Variants in TENM2 observed in about 807,000 individuals in gnomAD.
The protein encoded by TENM2 is teneurin transmembrane protein 2, also known as teneurin-2.
TENM2 carries 52 observed loss-of-function variants against 245.2 expected under a neutral mutation model. That is an observed-to-expected ratio of 0.21 (90% CI 0.17 to 0.27). The LOEUF is 0.27. Ranked by LOEUF, TENM2 falls within the 10% of genes least tolerant of loss-of-function variation. The pLI is 1.00. For missense variants in TENM2, 3,046 were observed against 3,666.8 expected (o/e 0.83, Z 4.37); for synonymous variants, 1,363 against 1,438.9 (o/e 0.95, Z 1.19).
chr5:167,578,499 A>C (rs891339018), intron 2 of TENM2, among the ~76,000 whole-genome samples: 1 of 152,118 alleles, frequency 6.6e-6, no homozygotes, highest in African/African-American at 2.4e-5. Flanking sequence ...GTGTATATGC[A>C]TTTGTTTTCA....
At chr5:167,310,253 G>T (rs570765086) in intron 1 of TENM2, among the ~76,000 whole-genome samples, 1 of 152,270 alleles carries the variant, frequency 6.6e-6, no homozygotes, top group South Asian at 2.1e-4. Context: ...CAAGTTACAT[G>T]AATATAAGCA....
At chr5:167,993,036 C>A in exon 5 of TENM2, 3 of 1,613,998 alleles carry the variant, frequency 1.9e-6, no homozygotes, top group Non-Finnish European at 1.7e-6. Context: ...GTTTACACGC[C>A]CCCGCCCCGC....
intron 4 of TENM2, among the ~76,000 whole-genome samples, chr5:167,975,887 A>C (rs989291716): frequency 6.6e-6 from 1 of 151,224 alleles, no homozygotes; most frequent in African/African-American, 2.4e-5. Flanking sequence ...TGCTATACAC[A>C]GTTGATGTGA....
intron 2 of TENM2, among the ~76,000 whole-genome samples, chr5:167,836,293 C>T (rs1424206146): frequency 6.6e-6 from 1 of 152,138 alleles, no homozygotes; most frequent in Admixed American, 6.5e-5. Flanking sequence ...AATTGCCCTT[C>T]ATAATTGTCT....
chr5:167,533,909 A>G (rs1771685020), intron 2 of TENM2, among the ~76,000 whole-genome samples: 1 of 152,208 alleles, frequency 6.6e-6, no homozygotes, highest in South Asian at 2.1e-4. Context: ...GTTCTTAACT[A>G]GTGTTCAAAC....
intron 1 of TENM2, among the ~76,000 whole-genome samples, chr5:167,318,538 AATATC>A (rs2064869531): frequency 6.6e-6 from 1 of 152,138 alleles, no homozygotes; most frequent in Non-Finnish European, 1.5e-5. Context: ...TTCATCTATA[AATATC>A]ATATAATAGA....
rs557857582 is a variant in TENM2, at chr5:167,771,634, A to G, written c.503-104352A>G. Among the ~76,000 whole-genome samples the G allele has an allele frequency of 2.6e-5, 4 of 152,320 alleles. No homozygotes were observed. The South Asian group carries it at 8.3e-4, about 32-fold the overall frequency. Reference sequence around the variant, plus strand: ...GTTAACATCTCAATTCATAGGCAACAGTCTCATGACCAATCCTCTCTGAGC... The same window carrying G: ...GTTAACATCTCAATTCATAGGCAACGGTCTCATGACCAATCCTCTCTGAGC... On this transcript the variant is annotated intron_variant, in intron 2 of 28. Coordinates refer to ENST00000518659, the Ensembl canonical transcript of TENM2.
intron 6 of TENM2, among the ~76,000 whole-genome samples, chr5:168,061,858 C>T (rs1278413908): frequency 2.6e-5 from 4 of 152,182 alleles, no homozygotes; most frequent in South Asian, 2.1e-4. Context: ...GCCAAGATTT[C>T]GGATGCCCTG....
At chr5:168,009,697 G>A (rs1025383550) in intron 5 of TENM2, among the ~76,000 whole-genome samples, 6 of 152,210 alleles carry the variant, frequency 3.9e-5, no homozygotes, top group African/African-American at 1.4e-4. Flanking sequence ...AGCCACTTTA[G>A]TTCTTGCTAT....
chr5:167,947,642 A>G (rs1779739924), intron 3 of TENM2, among the ~76,000 whole-genome samples: 2 of 152,242 alleles, frequency 1.3e-5, no homozygotes, highest in African/African-American at 4.8e-5. Flanking sequence ...ATCATCAACC[A>G]GAGATTCTCA....
intron 2 of TENM2, among the ~76,000 whole-genome samples, chr5:167,694,864 G>T (rs1002914043): frequency 3.9e-5 from 6 of 152,164 alleles, no homozygotes. Context: ...GTCATCACAA[G>T]TAGATAAATA....
At chr5:168,174,471 C>T (rs908277834) in intron 13 of TENM2, among the ~76,000 whole-genome samples, 2 of 152,170 alleles carry the variant, frequency 1.3e-5, no homozygotes, top group Non-Finnish European at 2.9e-5. Context: ...ACATCTTATA[C>T]GTCAGTGAGC....
intron 12 of TENM2, among the ~76,000 whole-genome samples, chr5:168,158,998 G>A (rs181167222): frequency 1.3e-5 from 2 of 149,254 alleles, no homozygotes; most frequent in African/African-American, 2.5e-5. Flanking sequence ...AAAAAAATCA[G>A]CTAGATGTGG....
chr5:168,229,202 G>A (rs1353550458), intron 25 of TENM2, among the ~76,000 whole-genome samples: 1 of 89,214 alleles, frequency 1.1e-5, no homozygotes, highest in East Asian at 6.5e-4. Flanking sequence ...CAGACTCAGG[G>A]AAGCTAAATT....
intron 2 of TENM2, among the ~76,000 whole-genome samples, chr5:167,874,673 C>T (rs1396909620): frequency 6.6e-6 from 1 of 152,132 alleles, no homozygotes; most frequent in Non-Finnish European, 1.5e-5. Context: ...GCAAAGGCCC[C>T]AAGATGGAAG....
At chr5:167,524,932 G>C (rs989763521) in intron 2 of TENM2, among the ~76,000 whole-genome samples, 1 of 151,870 alleles carries the variant, frequency 6.6e-6, no homozygotes, top group Non-Finnish European at 1.5e-5. Context: ...AGCATAAACT[G>C]TAACACATCT....
At chr5:168,198,735 A>C (rs1277324972) in intron 15 of TENM2, 118 bp from the exon 18 acceptor site, 4 of 1,312,642 alleles carry the variant, frequency 3.0e-6, no homozygotes, top group African/African-American at 1.5e-5. Context: ...CTGCCTCCAA[A>C]GCCCATGGTC....
intron 1 of TENM2, among the ~76,000 whole-genome samples, chr5:167,328,724 C>T (rs1230556018): frequency 6.6e-6 from 1 of 152,198 alleles, no homozygotes. Context: ...GATTTTACTT[C>T]CTTTAGCTCT....
intron 27 of TENM2, among the ~76,000 whole-genome samples, chr5:168,254,983 G>T (rs1581783653): frequency 2.0e-5 from 3 of 151,936 alleles, no homozygotes; most frequent in African/African-American, 7.2e-5. Context: ...GGAGGCAGAG[G>T]TTGCAGTGAG....
Sources: gnomAD v4.1 joint callset for allele counts (sites outside exome capture counted in the v4.1 genomes callset) on GRCh38, gnomAD v4.1.1 for gene constraint, MANE v1.5 for transcripts, NCBI Gene and HGNC (gene_info 2026-07-23, HGNC 2026-07-21) for gene names.